The following SRPK2 variants were observed in gnomAD, a reference collection of about 807,000 sequenced individuals.
The protein encoded by SRPK2 is SFRS protein kinase 2.
SRPK2 carries 21 observed loss-of-function variants against 90.8 expected under a neutral mutation model. The ratio of observed to expected loss-of-function variants is 0.23; its 90% CI spans 0.16 to 0.33. SRPK2 has a LOEUF of 0.33. Ranked by LOEUF, SRPK2 falls within the 10% of genes least tolerant of loss-of-function variation. SRPK2 has a pLI of 1.00. For missense variants in SRPK2, 620 were observed against 869.0 expected, an observed-to-expected ratio of 0.71 and a Z score of 3.60; for synonymous variants, 288 against 311.1, an observed-to-expected ratio of 0.93 and a Z score of 0.78.
chr7:105,306,499 C>A (rs1270021956), intron 2 of SRPK2: 3 of 454,134 alleles, frequency 6.6e-6, no homozygotes, highest in African/African-American at 6.0e-5. Flanking sequence ...AAAAAACCAA[C>A]ACTTCCTTTG....
Position 105,179,832 on chromosome 7 carries a change from A to G in SRPK2, c.230-10567T>C, listed in dbSNP as rs1272505745. Among the ~76,000 whole-genome samples, 5 of 150,466 alleles carry G rather than the reference A, an allele frequency of 3.3e-5. No individual in the cohort carries two copies. In the East Asian group the frequency reaches 9.6e-4, roughly 29 times the overall value. On this transcript the variant is annotated intron_variant, in intron 3 of 15. Transcript: ENST00000393651. ...ACAGTAAGAGTCCATCTCAAAAAAA[A>G]AAAAAAAAAAAAAAAAGAATAAAAT...
intron 2 of SRPK2, among the ~76,000 whole-genome samples, chr7:105,369,808 G>A (rs561705999): frequency 9.7e-4 from 147 of 152,132 alleles, no homozygotes; most frequent in Admixed American, 5.1e-3. Context: ...CAGGCGGATC[G>A]CCTGAGGTCA....
chr7:105,252,115 A>G (rs1201029374), intron 2 of SRPK2, among the ~76,000 whole-genome samples: 7 of 152,264 alleles, frequency 4.6e-5, no homozygotes, highest in Admixed American at 6.5e-5. Context: ...AGATAACTGA[A>G]TATTTTTCTC....
At chr7:105,231,008 C>A (rs1799359044) in intron 2 of SRPK2, among the ~76,000 whole-genome samples, 1 of 152,128 alleles carries the variant, frequency 6.6e-6, no homozygotes, top group Non-Finnish European at 1.5e-5. Context: ...GCTTGTGTCA[C>A]TAAGGTTTGT....
intron 2 of SRPK2, among the ~76,000 whole-genome samples, chr7:105,332,449 A>G (rs1814535414): frequency 6.6e-6 from 1 of 152,174 alleles, no homozygotes; most frequent in African/African-American, 2.4e-5. Context: ...AGGAGAAAAC[A>G]GTGATATTTA....
intron 2 of SRPK2, among the ~76,000 whole-genome samples, chr7:105,388,263 G>C (rs1821872247): frequency 6.6e-6 from 1 of 151,760 alleles, no homozygotes; most frequent in South Asian, 2.1e-4. Context: ...CGCAGCGGGC[G>C]GGCCGGAGCC....
At chr7:105,206,959 T>G (rs1419306003) in intron 2 of SRPK2, among the ~76,000 whole-genome samples, 1 of 152,196 alleles carries the variant, frequency 6.6e-6, no homozygotes, top group Non-Finnish European at 1.5e-5. Context: ...TTCATACTAA[T>G]TATCACCAAT....
chr7:105,186,133 A>G (rs1793547118), intron 3 of SRPK2, among the ~76,000 whole-genome samples: 1 of 152,132 alleles, frequency 6.6e-6, no homozygotes, highest in South Asian at 2.1e-4. Flanking sequence ...ACAAATCTCT[A>G]TTTCTATGAA....
chr7:105,260,279 A>G (rs1445952788), intron 2 of SRPK2, among the ~76,000 whole-genome samples: 1 of 152,240 alleles, frequency 6.6e-6, no homozygotes, highest in Admixed American at 6.5e-5. Flanking sequence ...GACACATGAA[A>G]AAATGCTCAT....
chr7:105,226,264 A>G (rs1798697399), intron 2 of SRPK2, among the ~76,000 whole-genome samples: 1 of 152,082 alleles, frequency 6.6e-6, no homozygotes, highest in Admixed American at 6.5e-5. Context: ...TTTTTAAAAA[A>G]CGCACTATAT....
At chr7:105,277,324 G>A (rs1180610266) in intron 2 of SRPK2, among the ~76,000 whole-genome samples, 1 of 152,072 alleles carries the variant, frequency 6.6e-6, no homozygotes, top group Non-Finnish European at 1.5e-5. Context: ...GATCCACCCA[G>A]CTCAGCCTCC....
rs147650422 is a variant in SRPK2 at position 105,372,860 on chromosome 7, C to G, written c.71+15788G>C. Among the ~76,000 whole-genome samples the G allele has an allele frequency of 4.7e-3, 713 of 152,048 alleles. 11 individuals carry two copies. The East Asian group carries it at 0.055, about 12-fold the overall frequency. On this transcript the variant is annotated intron_variant, in intron 2 of 15. Transcript: ENST00000393651. Reference sequence around the variant, plus strand: ...TCCCAGCACCTTGAGAGGCCAAGGCCGGTGGATCACCTGAGGTCAGGAGTT... The same window carrying G: ...TCCCAGCACCTTGAGAGGCCAAGGCGGGTGGATCACCTGAGGTCAGGAGTT...
chr7:105,373,687 G>C (rs563671784), intron 2 of SRPK2, among the ~76,000 whole-genome samples: 2 of 151,990 alleles, frequency 1.3e-5, no homozygotes, highest in African/African-American at 2.4e-5. Context: ...ACAGATGTGG[G>C]CCACCGCGCC....
chr7:105,385,293 G>T (rs993507440), intron 2 of SRPK2, among the ~76,000 whole-genome samples: 1 of 143,902 alleles, frequency 6.9e-6, no homozygotes, highest in Non-Finnish European at 1.5e-5. Context: ...CCATTCTCTC[G>T]CCTCAGCCTC....
intron 2 of SRPK2, among the ~76,000 whole-genome samples, chr7:105,362,985 A>C (rs1818607199): frequency 6.6e-6 from 1 of 152,160 alleles, no homozygotes; most frequent in East Asian, 1.9e-4. Flanking sequence ...GGAACTGAAC[A>C]ATGAGAACAC....
At chr7:105,145,107 CAAAAAAA>C (rs10718877) in intron 9 of SRPK2, among the ~76,000 whole-genome samples, 169 bp downstream of exon 9, 63 of 107,180 alleles carry the variant, frequency 5.9e-4, no homozygotes, top group Non-Finnish European at 9.4e-4. Context: ...ACTCAGTTTT[CAAAAAAA>C]AAAAAAAAAA....
At chr7:105,376,534 CTT>C (rs376600508) in intron 2 of SRPK2, among the ~76,000 whole-genome samples, 6 of 142,286 alleles carry the variant, frequency 4.2e-5, no homozygotes, top group Non-Finnish European at 3.1e-5. Context: ...TCCTTTTTTT[CTT>C]TTTTTTTTTT....
intron 2 of SRPK2, among the ~76,000 whole-genome samples, chr7:105,281,239 G>A (rs1585514191): frequency 1.3e-5 from 2 of 151,832 alleles, no homozygotes; most frequent in African/African-American, 4.8e-5. Flanking sequence ...TGGGATTACA[G>A]GCACTGACCA....
At chr7:105,308,743 A>G (rs189882934) in intron 2 of SRPK2, among the ~76,000 whole-genome samples, 3 of 152,308 alleles carry the variant, frequency 2.0e-5, no homozygotes, top group East Asian at 1.9e-4. Flanking sequence ...GTCTAATTCA[A>G]TCTACATAGT....
Sources: gnomAD v4.1 joint callset for allele counts (sites outside exome capture counted in the v4.1 genomes callset) on GRCh38, gnomAD v4.1.1 for gene constraint, MANE v1.5 for transcripts, NCBI Gene and HGNC (gene_info 2026-07-23, HGNC 2026-07-21) for gene names.